The following HPSE2 variants were observed in gnomAD, a reference collection of about 807,000 sequenced individuals.
The protein encoded by HPSE2 is heparanase 2 (inactive).
In HPSE2, 38 loss-of-function variants were observed where a neutral mutation model predicts 60.5. That is an observed-to-expected ratio of 0.63 (90% CI 0.48 to 0.82). The LOEUF is 0.82. Among genes scored for constraint, HPSE2 ranks in the 40% least tolerant of loss-of-function variants. HPSE2 has a pLI of 0.00. For synonymous variants in HPSE2, 295 were observed against 293.2 expected, an observed-to-expected ratio of 1.01 and a Z score of -0.06; for missense variants, 713 against 740.4, an observed-to-expected ratio of 0.96 and a Z score of 0.43.
upstream of HPSE2, among the ~76,000 whole-genome samples, chr10:99,240,405 T>G (rs1327800755): frequency 6.6e-6 from 1 of 150,508 alleles, no homozygotes; most frequent in East Asian, 2.0e-4. Context: ...AGTACAATGA[T>G]TTTCTTTTTT....
chr10:99,139,138 C>A (rs754901561), intron 3 of HPSE2, among the ~76,000 whole-genome samples: 4 of 152,136 alleles, frequency 2.6e-5, no homozygotes, highest in Non-Finnish European at 5.9e-5. Flanking sequence ...TTTTCAGCAA[C>A]TTCCAGGGAG....
chr10:98,618,010 T>C (rs569466035), intron 8 of HPSE2, among the ~76,000 whole-genome samples: 7 of 152,232 alleles, frequency 4.6e-5, no homozygotes, highest in South Asian at 4.1e-4. Flanking sequence ...AATAGCCTCC[T>C]ACAGCTTCCT....
chr10:99,279,961 A>C, the HPSE2 span, among the ~76,000 whole-genome samples: 1 of 152,232 alleles, frequency 6.6e-6, no homozygotes, highest in African/African-American at 2.4e-5. Flanking sequence ...AGGCCTTCTC[A>C]GCAAATCCTT....
At chr10:98,833,421 T>C (rs1465516603) in intron 3 of HPSE2, among the ~76,000 whole-genome samples, 1 of 152,214 alleles carries the variant, frequency 6.6e-6, no homozygotes, top group Admixed American at 6.5e-5. Context: ...GGAATAACCA[T>C]GCTTCAGACT....
At chr10:98,777,002 ATTAAT>A (rs1010257080) in intron 3 of HPSE2, among the ~76,000 whole-genome samples, 3 of 152,232 alleles carry the variant, frequency 2.0e-5, no homozygotes, top group Non-Finnish European at 4.4e-5. Flanking sequence ...TAAACAATTG[ATTAAT>A]TTAGTCTTTC....
At chr10:98,663,278 A>G (rs1166441724) in intron 6 of HPSE2, among the ~76,000 whole-genome samples, 2 of 152,190 alleles carry the variant, frequency 1.3e-5, no homozygotes. Context: ...CATGGAACTT[A>G]TATTCTAGAA....
At chr10:98,879,171 C>T (rs773184842) in intron 3 of HPSE2, among the ~76,000 whole-genome samples, 4 of 151,944 alleles carry the variant, frequency 2.6e-5, no homozygotes, top group Non-Finnish European at 4.4e-5. Context: ...AGAGTGCCAG[C>T]AAGATATGGG....
At chr10:98,795,346 G>A (rs150378963) in intron 3 of HPSE2, among the ~76,000 whole-genome samples, 32 of 152,262 alleles carry the variant, frequency 2.1e-4, no homozygotes, top group Non-Finnish European at 4.0e-4. Flanking sequence ...CTTACGGCAC[G>A]GAAAGTCTGT....
intron 3 of HPSE2, among the ~76,000 whole-genome samples, chr10:98,976,539 A>G (rs757875164): frequency 4.6e-5 from 7 of 152,066 alleles, no homozygotes; most frequent in African/African-American, 7.2e-5. Flanking sequence ...AAATTTCTCA[A>G]TTTAGCATGG....
At chr10:98,772,045 A>G (rs1950251749) in intron 3 of HPSE2, among the ~76,000 whole-genome samples, 1 of 152,324 alleles carries the variant, frequency 6.6e-6, no homozygotes, top group East Asian at 1.9e-4. Flanking sequence ...GATGGCTGTT[A>G]TCTGCAGGCC....
chr10:98,991,366 G>A (rs1021166910), intron 3 of HPSE2, among the ~76,000 whole-genome samples: 1 of 152,246 alleles, frequency 6.6e-6, no homozygotes, highest in African/African-American at 2.4e-5. Flanking sequence ...AGGCATCTGA[G>A]GGAAGAAATT....
At chr10:98,842,599 A>T (rs10786479) in intron 3 of HPSE2, among the ~76,000 whole-genome samples, 99,719 of 150,768 alleles carry the variant, frequency 0.66, 33,635 homozygotes, top group South Asian at 0.78. Flanking sequence ...AGTTCCACAG[A>T]TTTCCTATAT....
In HPSE2 at chr10:98,932,949, C is replaced by T. The variant is rs376841550; in HGVS notation, c.611-188893G>A. Among the ~76,000 whole-genome samples the T allele has an allele frequency of 5.4e-4, 77 of 143,054 alleles. 15 individuals are homozygous for T. The highest frequency in any genetic ancestry group is 2.8e-3 in the East Asian group (14 of 5,064). The allele number at this position is 143,054 out of a possible 152,430, so 93.8% of individuals were successfully genotyped here. A position where few individuals can be genotyped will look rare whatever the true frequency, so the allele number is the denominator to read the frequency against. On this transcript the variant is annotated intron_variant, in intron 3 of 11. Transcript: ENST00000370552. ...ACAGCTCCTGGATTTGTTGATTTTTCGAAGTGTTTTTCAGGTCTCTATCTC... is the reference window on the plus strand; with the variant it reads ...ACAGCTCCTGGATTTGTTGATTTTTTGAAGTGTTTTTCAGGTCTCTATCTC...
chr10:99,119,285 C>T (rs1844852047), intron 3 of HPSE2, among the ~76,000 whole-genome samples: 1 of 152,136 alleles, frequency 6.6e-6, no homozygotes, highest in African/African-American at 2.4e-5. Context: ...AAATCACTAG[C>T]ATTGCTACAC....
upstream of HPSE2, among the ~76,000 whole-genome samples, chr10:99,237,847 C>G (rs891842900): frequency 1.1e-4 from 16 of 152,184 alleles, no homozygotes; most frequent in Non-Finnish European, 2.2e-4. Flanking sequence ...GGCGGGCAAA[C>G]ACTTTTGCCT....
At chr10:98,487,518 T>C (rs936454423) in intron 10 of HPSE2, among the ~76,000 whole-genome samples, 2 of 152,224 alleles carry the variant, frequency 1.3e-5, no homozygotes, top group East Asian at 1.9e-4. Context: ...GTTATTTGCA[T>C]GTAGATGTGA....
intron 6 of HPSE2, among the ~76,000 whole-genome samples, chr10:98,690,672 C>T (rs1169060359): frequency 6.6e-6 from 1 of 151,796 alleles, no homozygotes; most frequent in Admixed American, 6.6e-5. Flanking sequence ...TGGTCATAAG[C>T]CAGTGGTTTT....
At chr10:98,722,273 G>A (rs1948946465) in intron 4 of HPSE2, among the ~76,000 whole-genome samples, 1 of 150,210 alleles carries the variant, frequency 6.7e-6, no homozygotes, top group African/African-American at 2.5e-5. Flanking sequence ...GAAAGGAGAA[G>A]GAAGTTCAGA....
intron 3 of HPSE2, among the ~76,000 whole-genome samples, chr10:98,830,156 A>G (rs80113357): frequency 6.6e-6 from 1 of 152,342 alleles, no homozygotes; most frequent in East Asian, 1.9e-4. Context: ...GTCCATAAAT[A>G]CTATTGCCTA....
Sources: allele counts gnomAD v4.1 joint callset (sites outside exome capture counted in the v4.1 genomes callset), GRCh38; gene constraint gnomAD v4.1.1; transcripts MANE v1.5; gene names NCBI Gene and HGNC (gene_info 2026-07-23, HGNC 2026-07-21).